The following CEP128 variants were observed in gnomAD, a reference collection of about 807,000 sequenced individuals.
The protein encoded by CEP128 is centrosomal protein 128, also known as centrosomal protein 128kDa.
A neutral mutation model predicts 156.7 loss-of-function variants in CEP128; 132 were observed. The ratio of observed to expected loss-of-function variants is 0.84; its 90% CI spans 0.73 to 0.97. CEP128 has a LOEUF of 0.97. CEP128 is among the 50% of genes least tolerant of loss of function. The probability of loss-of-function intolerance (pLI) is 0.00; values close to 1 mark genes in which losing one functional copy is unlikely to be tolerated. For missense variants in CEP128, 1,252 were observed against 1,281.9 expected (o/e 0.98, Z 0.36); for synonymous variants, 469 against 448.9 (o/e 1.04, Z -0.57).
At chr14:80,682,775 T>C (rs926930212) in intron 19 of CEP128, among the ~76,000 whole-genome samples, 7 of 152,188 alleles carry the variant, frequency 4.6e-5, no homozygotes, top group Admixed American at 1.3e-4. Flanking sequence ...CCAGGAGAGA[T>C]TGGGGCCTAT....
chr14:80,571,026 T>C (rs1891119085), intron 20 of CEP128, among the ~76,000 whole-genome samples: 1 of 152,218 alleles, frequency 6.6e-6, no homozygotes, highest in Non-Finnish European at 1.5e-5. Flanking sequence ...TTGCAACTCC[T>C]TACTTATCTG....
At chr14:80,927,116 C>A (rs781782023) in intron 2 of CEP128, among the ~76,000 whole-genome samples, 1 of 152,206 alleles carries the variant, frequency 6.6e-6, no homozygotes, top group Non-Finnish European at 1.5e-5. Context: ...GCAAGATTCA[C>A]AGTGGTCTGG....
intron 19 of CEP128, among the ~76,000 whole-genome samples, chr14:80,719,498 T>C (rs1169469481): frequency 6.6e-6 from 1 of 152,192 alleles, no homozygotes; most frequent in East Asian, 1.9e-4. Flanking sequence ...AAAAAGATTA[T>C]CTTTCCTATT....
At chr14:80,555,038 T>C (rs1005488115) in intron 21 of CEP128, among the ~76,000 whole-genome samples, 5 of 152,132 alleles carry the variant, frequency 3.3e-5, no homozygotes, top group Admixed American at 3.3e-4. Context: ...AAAAGATCCC[T>C]GATGTAAAAC....
At chr14:80,951,052 A>G (rs369249453) in intron 2 of CEP128, among the ~76,000 whole-genome samples, 8 of 152,196 alleles carry the variant, frequency 5.3e-5, no homozygotes, top group Non-Finnish European at 1.0e-4. Flanking sequence ...CTATGATTCT[A>G]TACCTAGTGA....
At chr14:80,738,077 G>T (rs1013288988) in intron 19 of CEP128, among the ~76,000 whole-genome samples, 1 of 152,164 alleles carries the variant, frequency 6.6e-6, no homozygotes. Flanking sequence ...TGAATATCAT[G>T]ATTCTAAATT....
At chr14:80,662,503 T>C (rs1410115153) in intron 19 of CEP128, among the ~76,000 whole-genome samples, 1 of 152,272 alleles carries the variant, frequency 6.6e-6, no homozygotes, top group Admixed American at 6.5e-5. Flanking sequence ...AGCCAATCTC[T>C]ACCTTGTTCA....
chr14:80,848,449 C>T (rs901253084), intron 9 of CEP128, among the ~76,000 whole-genome samples: 6 of 152,068 alleles, frequency 3.9e-5, no homozygotes, highest in Non-Finnish European at 7.4e-5. Flanking sequence ...CACTTGAGGC[C>T]AGGAGTTTGA....
At chr14:80,636,491 C>T (rs1401544840) in intron 19 of CEP128, among the ~76,000 whole-genome samples, 1 of 152,156 alleles carries the variant, frequency 6.6e-6, no homozygotes, top group Non-Finnish European at 1.5e-5. Flanking sequence ...CCAGGCTTTG[C>T]AGAAACACAT....
Position 80,932,505 on chromosome 14 carries a change from C to T in CEP128, c.-16+6880G>A, listed in dbSNP as rs375080169. 8.5e-4 allele frequency among the ~76,000 whole-genome samples: 130 copies of T among 152,276 alleles called. 4 individuals are homozygous for T. In the South Asian group the frequency reaches 0.023, roughly 26 times the overall value. ...TGAGATTGCCTTGTGCACCAAAAAGCCTGCTTCCATTTCCAACATCTTATC... is the reference window on the plus strand; with the variant it reads ...TGAGATTGCCTTGTGCACCAAAAAGTCTGCTTCCATTTCCAACATCTTATC... On this transcript the variant is annotated intron_variant, in intron 2 of 24. Transcript: ENST00000555265.
intron 14 of CEP128, among the ~76,000 whole-genome samples, chr14:80,480,453 G>A (rs1334127073): frequency 6.6e-6 from 1 of 152,036 alleles, no homozygotes. Context: ...GCCCCTTTCA[G>A]CCATGGCTGG....
At chr14:80,711,893 T>G (rs1897425298) in intron 19 of CEP128, among the ~76,000 whole-genome samples, 1 of 152,046 alleles carries the variant, frequency 6.6e-6, no homozygotes, top group African/African-American at 2.4e-5. Context: ...AATAAAAAAT[T>G]CGAGTGAAAA....
At position 80,858,155 on chromosome 14, in the gene CEP128, G is replaced by T. The variant is rs1887303935; in HGVS notation, c.762+4602C>A. Among the ~76,000 whole-genome samples the T allele has an allele frequency of 5.3e-5, 8 of 151,280 alleles. No homozygotes were observed. In the South Asian group the frequency reaches 1.7e-3, roughly 32 times the overall value. On this transcript the variant is annotated intron_variant, in intron 9 of 24. Transcript: ENST00000555265. ...ACCTGACTTCAAACTATACTACAAG[G>T]CTACAGTAACCAAAACAGCATGGTA... is the stretch of plus-strand genomic sequence containing the variant.
chr14:80,831,624 A>T (rs933548404), intron 12 of CEP128, among the ~76,000 whole-genome samples: 2 of 151,978 alleles, frequency 1.3e-5, no homozygotes. Flanking sequence ...AAAAAAAAAA[A>T]ATACAAAAAG....
Position 80,863,257 on chromosome 14 carries a change from C to T in CEP128, c.646-384G>A, listed in dbSNP as rs150219969. Among the ~76,000 whole-genome samples the T allele has an allele frequency of 2.1e-3, 321 of 152,188 alleles. 1 individual carries two copies. The highest frequency in any genetic ancestry group is 7.3e-3 in the African/African-American group (303 of 41,518). On this transcript the variant is annotated intron_variant, in intron 8 of 24. Coordinates refer to ENST00000555265, the MANE Select transcript of CEP128 (RefSeq NM_152446.5). ...GTTAGCCAATTAATGATAAATTGTT[C>T]GACCTAATTAGTCCTTTTCTATTTT...
chr14:80,602,590 T>C (rs1027968529), intron 19 of CEP128, among the ~76,000 whole-genome samples: 1 of 152,072 alleles, frequency 6.6e-6, no homozygotes, highest in African/African-American at 2.4e-5. Context: ...GCTAACACCA[T>C]GAAACTCCGT....
At chr14:80,607,480 A>G (rs1892832259) in intron 19 of CEP128, among the ~76,000 whole-genome samples, 1 of 152,208 alleles carries the variant, frequency 6.6e-6, no homozygotes, top group Non-Finnish European at 1.5e-5. Flanking sequence ...AAGTGTTCAC[A>G]TGCACAAAGC....
At position 80,785,433 on chromosome 14, in the gene CEP128, T is replaced by G; in HGVS notation, c.1673A>C (p.Glu558Ala). ...TTTCTCCTCCTTGGAGTGAAGCTCC[T>G]CCTCCTGAAGGGCACGCTTTGTTAG... ...DVLTKRALQE[E>A]ELHSKEEKLR... Residue 558 changes from glutamate (E) to alanine (A), a missense_variant, in exon 15 of 25, where the codon GAG becomes GCG. Transcript: ENST00000555265. 1 of 1,614,056 alleles carries G rather than the reference T, an allele frequency of 6.2e-7. No homozygotes were observed. Among genetic ancestry groups the G allele is most frequent in the Non-Finnish European group, 8.5e-7 (1 of 1,179,966 alleles).
rs763542513 is a variant in CEP128, at chr14:80,785,421, G to C, written c.1685C>G (p.Ser562Cys). ...AATATCACGTAATTTCTCCTCCTTG[G>C]AGTGAAGCTCCTCCTCCTGAAGGGC... ...KRALQEEELH[S>C]KEEKLRDIKS... The change falls in exon 15 of 25, where the codon TCC becomes TGC. Residue 562 changes from serine (S) to cysteine (C), a missense_variant. By Grantham distance (112) the Ser-to-Cys change is moderately radical. Coordinates refer to ENST00000555265, the MANE Select transcript of CEP128 (RefSeq NM_152446.5). 2 of 1,613,966 alleles carry C rather than the reference G, an allele frequency of 1.2e-6. No homozygotes were observed. Among genetic ancestry groups the C allele is most frequent in the Non-Finnish European group, 8.5e-7 (1 of 1,179,972 alleles).
Sources: allele counts gnomAD v4.1 joint callset (sites outside exome capture counted in the v4.1 genomes callset), GRCh38; gene constraint gnomAD v4.1.1; transcripts MANE v1.5; gene names NCBI Gene and HGNC (gene_info 2026-07-23, HGNC 2026-07-21).